Variants in PDZD7 observed in about 807,000 individuals in gnomAD.
The protein encoded by PDZD7 is PDZ domain containing 7.
In PDZD7, 72 loss-of-function variants were observed where a neutral mutation model predicts 84.7. That is an observed-to-expected ratio of 0.85 (90% CI 0.70 to 1.03). The LOEUF (loss-of-function observed/expected upper bound fraction) is 1.03, where lower values mean the gene tolerates loss of function less well. Among genes scored for constraint, PDZD7 ranks in the 50% least tolerant of loss-of-function variants. The pLI is 0.00. For missense variants in PDZD7, 1,490 were observed against 1,412.9 expected, an observed-to-expected ratio of 1.05 and a Z score of -0.87; for synonymous variants, 594 against 580.7, an observed-to-expected ratio of 1.02 and a Z score of -0.33.
intron 4 of PDZD7, 145 bp from the exon 5 acceptor site, chr10:101,022,530 C>A: frequency 1.2e-6 from 1 of 866,742 alleles, no homozygotes; most frequent in Non-Finnish European, 1.8e-6. Context: ...GGCATAGGTT[C>A]ATTAGCTGGG....
rs201873754 is a variant in PDZD7, at chr10:101,007,817, A to ATTT, written c.*647_*649dup. 2.4e-5 allele frequency: 7 copies of ATTT among 287,118 alleles called. No individual in the cohort carries two copies. The highest frequency in any genetic ancestry group is 1.7e-4 in the African/African-American group (7 of 40,714). The allele number at this position is 287,118 out of a possible 1,614,324, so 17.8% of individuals were successfully genotyped here. A position where few individuals can be genotyped will look rare whatever the true frequency, so the allele number is the denominator to read the frequency against. Reference sequence around the variant, plus strand: ...AAACCCAAAGAAAAAATTAAAAAAAATTTTTTTGTTTAAAAATAATGTGAA... The same window carrying ATTT: ...AAACCCAAAGAAAAAATTAAAAAAAATTTTTTTTTTGTTTAAAAATAATGTGAA... On this transcript the variant is annotated 3_prime_UTR_variant, in exon 17 of 17. Transcript: ENST00000619208.
At chr10:101,013,516 C>T (rs1852469347) in intron 11 of PDZD7, among the ~76,000 whole-genome samples, 2 of 152,184 alleles carry the variant, frequency 1.3e-5, no homozygotes, top group Non-Finnish European at 2.9e-5. Flanking sequence ...ACGTAGGGAA[C>T]AGCACAAAAG....
rs150917752 is a variant in PDZD7 at position 101,030,064 on chromosome 10, G to T, written c.156C>A (p.Asn52Lys). 3 of 1,608,340 alleles carry T rather than the reference G, an allele frequency of 1.9e-6. No individual in the cohort carries two copies. The highest frequency in any genetic ancestry group is 1.7e-4 in the Middle Eastern group (1 of 5,970). The change falls in exon 2 of 17, where the codon AAC becomes AAA. Residue 52 changes from asparagine (N) to lysine (K), a missense_variant. Physicochemically the swap from Asn to Lys is moderately conservative, Grantham distance 94. Coordinates refer to ENST00000619208, the MANE Select transcript of PDZD7 (RefSeq NM_001195263.2). ...AGGCTCGGATTCCGCGGGGGGGCCCGTTCAGCAGCCGTTGTTGCTTCCTTA... is the reference window on the plus strand; with the variant it reads ...AGGCTCGGATTCCGCGGGGGGGCCCTTTCAGCAGCCGTTGTTGCTTCCTTA... Reference protein sequence around the residue: ...YLLRKQQRLLNGPPRGIRASS... With the variant: ...YLLRKQQRLLKGPPRGIRASS...
chr10:101,029,473 C>T (rs1937928307), intron 2 of PDZD7, among the ~76,000 whole-genome samples: 1 of 152,242 alleles, frequency 6.6e-6, no homozygotes, highest in Non-Finnish European at 1.5e-5. Context: ...CAACCCTCCT[C>T]TTCTGAACAT....
chr10:101,015,506 C>G, intron 11 of PDZD7, 130 bp downstream of exon 11: 1 of 1,062,678 alleles, frequency 9.4e-7, no homozygotes, highest in South Asian at 1.7e-5. Context: ...GGAGTGACTT[C>G]TGATTTTACT....
At chr10:101,013,997 C>T (rs994171023) in intron 11 of PDZD7, among the ~76,000 whole-genome samples, 4 of 149,770 alleles carry the variant, frequency 2.7e-5, no homozygotes, top group African/African-American at 9.9e-5. Flanking sequence ...TTACAGGCGC[C>T]CACCACCATG....
intron 14 of PDZD7, 42 bp downstream of exon 14, chr10:101,011,648 C>G (rs1852395884): frequency 6.5e-7 from 1 of 1,536,056 alleles, no homozygotes; most frequent in Non-Finnish European, 8.7e-7. Context: ...CCTAATCTCC[C>G]CAGGGCTGTG....
intron 1 of PDZD7, 111 bp from the exon 2 acceptor site, chr10:101,030,495 C>T (rs896465918): frequency 1.4e-4 from 86 of 603,484 alleles, no homozygotes; most frequent in Non-Finnish European, 2.4e-4. Flanking sequence ...ATGCCTTAGG[C>T]CCCCCTCCTG....
At position 101,019,058 on chromosome 10, in the gene PDZD7, C is replaced by G. The variant is rs1002525817; in HGVS notation, c.1088G>C (p.Trp363Ser). ...CTGCATGGCTGTGTCCGCCCGCCCC[C>G]AGCCTGGGCCGCGGCTGCCGGGCTC... is the stretch of plus-strand genomic sequence containing the variant. ...QEEPGSRGPG[W>S]GRADTAMQTE... The change falls in exon 8 of 17, where the codon TGG becomes TCG. Residue 363 changes from tryptophan to serine, a missense_variant. Coordinates refer to ENST00000619208, the MANE Select transcript of PDZD7 (RefSeq NM_001195263.2). 1 of 1,577,324 alleles carries G rather than the reference C, an allele frequency of 6.3e-7. No individual in the cohort carries two copies. Among genetic ancestry groups the G allele is most frequent in the Non-Finnish European group, 8.6e-7 (1 of 1,167,216 alleles).
In PDZD7 at chr10:101,018,285, G is replaced by A. The variant is rs1389795193; in HGVS notation, c.1336C>T (p.Gln446Ter). 3 of 1,613,718 alleles carry A rather than the reference G, an allele frequency of 1.9e-6. No individual in the cohort carries two copies. Among genetic ancestry groups the A allele is most frequent in the Non-Finnish European group, 2.5e-6 (3 of 1,180,002 alleles). The change falls in exon 9 of 17, where the codon CAG becomes TAG. Residue 446 changes from glutamine to a stop codon, truncating the protein, a stop_gained. Transcript: ENST00000619208. LOFTEE classifies it high-confidence loss of function. Reference sequence around the variant, plus strand: ...GACCCCGACTTCTCCTTCTTCCGCTGCTGCTTCTCCTCTGCAGACACGAGG... The same window carrying A: ...GACCCCGACTTCTCCTTCTTCCGCTACTGCTTCTCCTCTGCAGACACGAGG... ...SYLTLWEEKQ[Q>*]RKKEKSGSPG...
rs199608117 is a variant in PDZD7 at position 101,019,010 on chromosome 10, C to T, written c.1136G>A (p.Arg379Gln). ...AMQTEPDAGG[R>Q]VETWCSVRPT... is the part of the protein sequence containing the mutation. ...CCGCACGCTGCACCAGGTCTCCACC[C>T]GGCCTCCCGCATCGGGCTCCGTCTG... The change falls in exon 8 of 17, where the codon CGG becomes CAG. Residue 379 changes from arginine to glutamine, a missense_variant. Arg to Gln is a conservative substitution (Grantham distance 43). Transcript: ENST00000619208. The T allele has an allele frequency of 2.2e-4, 348 of 1,574,192 alleles. 1 individual carries two copies. In the African/African-American group the frequency reaches 3.9e-3, roughly 18 times the overall value.
intron 15 of PDZD7, 65 bp from the exon 16 acceptor site, chr10:101,009,415 A>C: frequency 7.6e-7 from 1 of 1,314,522 alleles, no homozygotes; most frequent in Non-Finnish European, 1.1e-6. Flanking sequence ...CTCCCTGGAG[A>C]AACCTAGAAT....
At chr10:101,029,959 C>G in intron 2 of PDZD7, 35 bp downstream of exon 2, 1 of 1,506,394 alleles carries the variant, frequency 6.6e-7, no homozygotes, top group Non-Finnish European at 9.2e-7. Context: ...CCCCACCCTC[C>G]CCAACCCAGG....
At chr10:101,029,953 A>ACCCAACCCCACC in intron 2 of PDZD7, 41 bp downstream of exon 2, 1 of 719,818 alleles carries the variant, frequency 1.4e-6, no homozygotes, top group Non-Finnish European at 2.4e-6. Flanking sequence ...CCCTACCCCC[A>ACCCAACCCCACC]CCCTCCCCAA....
intron 11 of PDZD7, among the ~76,000 whole-genome samples, chr10:101,014,504 C>T (rs750328762): frequency 3.9e-5 from 6 of 152,186 alleles, no homozygotes; most frequent in Non-Finnish European, 5.9e-5. Flanking sequence ...GGCTGGTACA[C>T]GCTGCCCTAC....
intron 2 of PDZD7, among the ~76,000 whole-genome samples, chr10:101,025,559 T>TTTAG (rs1937636871): frequency 6.7e-6 from 1 of 149,456 alleles, no homozygotes; most frequent in Non-Finnish European, 1.5e-5. Context: ...TATTTATTTA[T>TTTAG]TTATCTGAGA....
At chr10:101,015,212 A>G (rs746386508) in intron 11 of PDZD7, among the ~76,000 whole-genome samples, 21 of 152,160 alleles carry the variant, frequency 1.4e-4, no homozygotes, top group Non-Finnish European at 2.5e-4. Context: ...GCATGCAGTG[A>G]AGGATGGAGG....
chr10:101,021,706 G>T, intron 6 of PDZD7, 92 bp downstream of exon 6: 1 of 1,570,106 alleles, frequency 6.4e-7, no homozygotes, highest in African/African-American at 1.4e-5. Flanking sequence ...CTGTGGGAAC[G>T]TCATAAATTG....
Position 101,008,442 on chromosome 10 carries a change from G to A in PDZD7, c.*25C>T. 2 of 1,482,384 alleles carry A rather than the reference G, an allele frequency of 1.3e-6. No homozygotes were observed. Among genetic ancestry groups the A allele is most frequent in the Non-Finnish European group, 1.8e-6 (2 of 1,117,924 alleles). The allele number at this position is 1,482,384 out of a possible 1,614,324, so 91.8% of individuals were successfully genotyped here. On this transcript the variant is annotated 3_prime_UTR_variant, in exon 17 of 17. Coordinates refer to ENST00000619208, the MANE Select transcript of PDZD7 (RefSeq NM_001195263.2). ...GGATAACGGGATGCTGGAGTCAGTG[G>A]GTGAATCTGAGGTTAGGGGGAGGGT...
Sources: gnomAD v4.1 joint callset for allele counts (sites outside exome capture counted in the v4.1 genomes callset) on GRCh38, gnomAD v4.1.1 for gene constraint, MANE v1.5 for transcripts, NCBI Gene and HGNC (gene_info 2026-07-23, HGNC 2026-07-21) for gene names.